The following ARHGEF18 variants were observed in gnomAD, a reference collection of about 807,000 sequenced individuals.
ARHGEF18 encodes rho guanine nucleotide exchange factor 18.
In ARHGEF18, 93 loss-of-function variants were observed where a neutral mutation model predicts 155.7. That is an observed-to-expected ratio of 0.60 (90% CI 0.50 to 0.71). The LOEUF (loss-of-function observed/expected upper bound fraction) is 0.71, where lower values mean the gene tolerates loss of function less well. Ranked by LOEUF, ARHGEF18 falls within the 30% of genes least tolerant of loss-of-function variation. The pLI, the probability that ARHGEF18 is intolerant of heterozygous loss-of-function variation, is 0.00. For missense variants in ARHGEF18, 1,593 were observed against 1,816.1 expected (o/e 0.88, Z 2.23); for synonymous variants, 742 against 753.1 (o/e 0.99, Z 0.24).
chr19:7,440,077 C>T lies in ARHGEF18; in HGVS notation c.968-267C>T, dbSNP rs368141054. 2.8e-4 allele frequency: 432 copies of T among 1,550,498 alleles called. 2 individuals are homozygous for T. In the African/African-American group the frequency reaches 5.5e-3, roughly 20 times the overall value. On this transcript the variant is annotated intron_variant, in intron 10 of 28. Transcript: ENST00000668164. This position sits in a 1 kb window ranked among gnomAD's most constrained non-coding sequence, Gnocchi z 5.4. Reference sequence around the variant, plus strand: ...GGCGCAGCCCAGCCTGGCGCCGCGCCGGGTCCCGGAGCCCCGGGCGCGAAC... The same window carrying T: ...GGCGCAGCCCAGCCTGGCGCCGCGCTGGGTCCCGGAGCCCCGGGCGCGAAC...
At chr19:7,381,528 A>C in intron 8 of ARHGEF18, among the ~76,000 whole-genome samples, 1 of 151,948 alleles carries the variant, frequency 6.6e-6, no homozygotes, top group East Asian at 1.9e-4. Flanking sequence ...AAATACAAAA[A>C]TTAGCCGGAT....
intron 1 of ARHGEF18, among the ~76,000 whole-genome samples, chr19:7,352,831 C>CATTTTT (rs1969191043): frequency 5.6e-5 from 1 of 17,920 alleles, no homozygotes; most frequent in African/African-American, 1.9e-4. Context: ...CCGTGCCTGG[C>CATTTTT]CTTTTTTTTT....
chr19:7,349,380 T>C (rs1223247068), intron 1 of ARHGEF18, 139 bp downstream of exon 1: 1 of 152,088 alleles, frequency 6.6e-6, no homozygotes, highest in African/African-American at 2.4e-5. Flanking sequence ...GCTTCCTGAG[T>C]GGGTGGGGGA....
At chr19:7,384,423 C>G (rs1307637163) in intron 10 of ARHGEF18, among the ~76,000 whole-genome samples, 1 of 152,226 alleles carries the variant, frequency 6.6e-6, no homozygotes, top group Non-Finnish European at 1.5e-5. Flanking sequence ...GAGAGAACAT[C>G]TCCACCCCCG....
chr19:7,436,851 T>C (rs1903542495), intron 10 of ARHGEF18, among the ~76,000 whole-genome samples: 1 of 152,196 alleles, frequency 6.6e-6, no homozygotes, highest in Non-Finnish European at 1.5e-5. Flanking sequence ...ACATAGGTGT[T>C]GCTTTGTGAG....
intron 10 of ARHGEF18, among the ~76,000 whole-genome samples, chr19:7,419,796 A>G (rs968969354): frequency 6.6e-6 from 1 of 151,932 alleles, no homozygotes; most frequent in Admixed American, 6.6e-5. Context: ...CCCCAAGCCC[A>G]TGCAGGTGGC....
In ARHGEF18 at chr19:7,444,153, G is replaced by T. The variant is rs115136529; in HGVS notation, c.1361-51G>T. 4.5e-3 allele frequency: 7,220 copies of T among 1,594,974 alleles called. 204 individuals carry two copies. The African/African-American group carries it at 0.066, about 15-fold the overall frequency. ...GGCAGGCAGCACCCACGACTGCCCAGCGGGGCCGTGGAGCCAGCATGGCTA... is the reference window on the plus strand; with the variant it reads ...GGCAGGCAGCACCCACGACTGCCCATCGGGGCCGTGGAGCCAGCATGGCTA... On this transcript the variant is annotated intron_variant, in intron 13 of 28. Transcript: ENST00000668164. The surrounding 1 kb of genome is among the most constrained non-coding windows in gnomAD (Gnocchi z 4.7).
In ARHGEF18 at chr19:7,373,190, C is replaced by A. The variant is rs116353179; in HGVS notation, c.275+119C>A. 4,858 of 1,181,740 alleles carry A rather than the reference C, an allele frequency of 4.1e-3. 186 individuals carry two copies. The African/African-American group carries it at 0.07, about 17-fold the overall frequency. 73.2% of individuals were successfully genotyped at this position (1,181,740 alleles called of 1,614,324 possible). On this transcript the variant is annotated intron_variant, in intron 3 of 28. Transcript: ENST00000668164. ...CCTTGCACCTGCCGTGGTCCCCAAC[C>A]TTTTTGGTACCAGGGACCAGTTTCA...
intron 20 of ARHGEF18, among the ~76,000 whole-genome samples, chr19:7,460,808 T>C (rs552213126): frequency 2.6e-5 from 4 of 151,358 alleles, no homozygotes; most frequent in Non-Finnish European, 4.4e-5. Flanking sequence ...TTTTTTTTTT[T>C]AAACAGAGCC....
chr19:7,371,042 C>T (rs530886756), intron 2 of ARHGEF18, among the ~76,000 whole-genome samples: 10 of 152,188 alleles, frequency 6.6e-5, no homozygotes, highest in Admixed American at 1.3e-4. Flanking sequence ...TCCCATGTAG[C>T]TGGGACTACA....
In ARHGEF18 at chr19:7,464,540, C is replaced by T. The variant is rs921192632; in HGVS notation, c.2774-20C>T. The T allele has an allele frequency of 3.1e-6, 5 of 1,602,008 alleles. No homozygotes were observed. The highest frequency in any genetic ancestry group is 1.7e-5 in the Admixed American group (1 of 59,320). On this transcript the variant is annotated intron_variant, in intron 22 of 28. Coordinates refer to ENST00000668164, the MANE Select transcript of ARHGEF18 (RefSeq NM_001367823.1). ...CCACGGGATGGCAGCATCCTCATGC[C>T]CCTGGCTTGGGGTTCTCAGATGGCA...
In ARHGEF18 at chr19:7,463,509, T is replaced by G. The variant is rs1034696279; in HGVS notation, c.2636-309T>G. On this transcript the variant is annotated intron_variant, in intron 21 of 28. Transcript: ENST00000668164. The surrounding 1 kb of genome is among the most constrained non-coding windows in gnomAD (Gnocchi z 5.2). Reference sequence around the variant, plus strand: ...CCCTGGGCAGGGCCACATCCAGCATTCGCCAGCCCCTGGCCCAGGGCGGCC... The same window carrying G: ...CCCTGGGCAGGGCCACATCCAGCATGCGCCAGCCCCTGGCCCAGGGCGGCC... Among the ~76,000 whole-genome samples the G allele has an allele frequency of 6.6e-6, 1 of 152,194 alleles. No individual in the cohort carries two copies. The highest frequency in any genetic ancestry group is 2.4e-5 in the African/African-American group (1 of 41,450).
chr19:7,377,654 G>A (rs1050335966), intron 5 of ARHGEF18, among the ~76,000 whole-genome samples: 9 of 151,964 alleles, frequency 5.9e-5, no homozygotes, highest in Non-Finnish European at 1.0e-4. Flanking sequence ...CAGGCATGAC[G>A]GTGTGCACCT....
At chr19:7,369,242 A>C (rs564628575) in intron 2 of ARHGEF18, among the ~76,000 whole-genome samples, 115 of 152,058 alleles carry the variant, frequency 7.6e-4, no homozygotes, top group Non-Finnish European at 1.4e-3. Flanking sequence ...CGGATGGATC[A>C]TCTGAGGTCG....
At chr19:7,413,761 A>C (rs1600352360) in intron 10 of ARHGEF18, among the ~76,000 whole-genome samples, 1 of 152,164 alleles carries the variant, frequency 6.6e-6, no homozygotes, top group East Asian at 1.9e-4. Context: ...AAAATAAACA[A>C]ACAAACAAGA....
the ARHGEF18 span, among the ~76,000 whole-genome samples, chr19:7,478,896 C>G: frequency 1.3e-5 from 2 of 152,228 alleles, no homozygotes; most frequent in Non-Finnish European, 2.9e-5. Flanking sequence ...GGGCTGGCAT[C>G]TGCAGGCTGA....
intron 17 of ARHGEF18, among the ~76,000 whole-genome samples, chr19:7,453,923 G>C (rs1006128584): frequency 2.0e-5 from 3 of 152,142 alleles, no homozygotes; most frequent in Admixed American, 2.0e-4. Context: ...TGGAGTGTTG[G>C]TTCCCATTTT....
intron 10 of ARHGEF18, among the ~76,000 whole-genome samples, chr19:7,420,051 G>T (rs377666742): frequency 6.7e-6 from 1 of 150,108 alleles, no homozygotes; most frequent in Admixed American, 6.6e-5. Flanking sequence ...CCACACTCAC[G>T]CTAAGCCCTG....
intron 10 of ARHGEF18, among the ~76,000 whole-genome samples, chr19:7,437,422 CAA>C (rs200582880): frequency 0.46 from 55,610 of 122,186 alleles, 11,412 homozygotes; most frequent in East Asian, 0.62. Context: ...AAATCCGTCT[CAA>C]AAAAAAAAAA....
Sources: allele counts gnomAD v4.1 joint callset (sites outside exome capture counted in the v4.1 genomes callset), GRCh38; gene constraint gnomAD v4.1.1; non-coding constraint Gnocchi (gnomAD v3.1); transcripts MANE v1.5; gene names NCBI Gene and HGNC (gene_info 2026-07-23, HGNC 2026-07-21).